Variants in COL18A1 observed in about 807,000 individuals in gnomAD.
COL18A1 encodes the protein collagen type XVIII alpha 1 chain.
A neutral mutation model predicts 168.0 loss-of-function variants in COL18A1; 133 were observed. That is an observed-to-expected ratio of 0.79 (90% CI 0.69 to 0.91). The LOEUF (loss-of-function observed/expected upper bound fraction) is 0.91, where lower values mean the gene tolerates loss of function less well. COL18A1 is among the 40% of genes least tolerant of loss of function. The probability of loss-of-function intolerance (pLI) is 0.00; values close to 1 mark genes in which losing one functional copy is unlikely to be tolerated. For missense variants in COL18A1, 2,126 were observed against 1,925.4 expected (o/e 1.10, Z -1.95); for synonymous variants, 949 against 809.0 (o/e 1.17, Z -2.94).
intron 7 of COL18A1, 92 bp from the exon 8 acceptor site, chr21:45,477,658 C>A: frequency 3.7e-6 from 5 of 1,362,598 alleles, no homozygotes; most frequent in Non-Finnish European, 5.0e-6. Context: ...GGAAGCAGCC[C>A]AGCCTGGGAC....
intron 2 of COL18A1, among the ~76,000 whole-genome samples, chr21:45,466,114 C>T (rs117840553): frequency 4.4e-4 from 67 of 152,210 alleles, no homozygotes; most frequent in Non-Finnish European, 8.2e-4. Context: ...TGGGAGAGGG[C>T]GCTTTGGCTC....
At chr21:45,467,027 C>T (rs897746028) in intron 2 of COL18A1, among the ~76,000 whole-genome samples, 1 of 152,228 alleles carries the variant, frequency 6.6e-6, no homozygotes, top group Non-Finnish European at 1.5e-5. Context: ...ACGGCGGCCT[C>T]TGTCTGAGGG....
At position 45,496,578 on chromosome 21, in the gene COL18A1, C is replaced by T. The variant is rs560537986; in HGVS notation, c.2577+10C>T. On this transcript the variant is annotated intron_variant, in intron 30 of 41. Coordinates refer to ENST00000651438, the MANE Select transcript of COL18A1 (RefSeq NM_001379500.1). ...TGTTTACGACAGCAATGTAAGTCCC[C>T]AGGGCACCCACTGTCCTACAGCCAC... 3.0e-6 allele frequency: 4 copies of T among 1,354,788 alleles called. No homozygotes were observed. Among genetic ancestry groups the T allele is most frequent in the African/African-American group, 1.5e-5 (1 of 66,520 alleles). 83.9% of individuals were successfully genotyped at this position (1,354,788 alleles called of 1,614,324 possible).
chr21:45,412,989 G>A (rs1291517403), intron 2 of COL18A1, among the ~76,000 whole-genome samples: 2 of 152,200 alleles, frequency 1.3e-5, no homozygotes, highest in African/African-American at 4.8e-5. Context: ...CCGTGTCTTG[G>A]TCTCTAATCT....
intron 2 of COL18A1, among the ~76,000 whole-genome samples, chr21:45,452,493 ATG>A (rs1175249492): frequency 1.9e-4 from 29 of 149,208 alleles, no homozygotes; most frequent in South Asian, 8.6e-4. Flanking sequence ...TTCTGTATGC[ATG>A]TGTGTATTCA....
chr21:45,406,111 C>T (rs1262512610), intron 2 of COL18A1, among the ~76,000 whole-genome samples: 2 of 152,234 alleles, frequency 1.3e-5, no homozygotes, highest in Non-Finnish European at 2.9e-5. Flanking sequence ...TGCGCGGGGC[C>T]CGTGGGGACC....
rs377715562 is a variant in COL18A1, at chr21:45,509,341, G to A, written c.3250-15G>A. The A allele has an allele frequency of 2.0e-3, 3,072 of 1,543,552 alleles. 20 individuals are homozygous for A. The highest frequency in any genetic ancestry group is 0.014 in the Middle Eastern group (68 of 4,692). On this transcript the variant is annotated splice_polypyrimidine_tract_variant and intron_variant, in intron 38 of 41. Transcript: ENST00000651438. ...GGGTCCCCCCGCCGACAGGCCCCAC[G>A]TCTCCCACCTGCAGGACAATGAAGT...
chr21:45,487,151 G>A (rs2036142745), intron 16 of COL18A1, among the ~76,000 whole-genome samples, 159 bp downstream of exon 16: 2 of 152,196 alleles, frequency 1.3e-5, no homozygotes, highest in Admixed American at 1.3e-4. Flanking sequence ...GGTGGGGCTC[G>A]AGTCTCTCGC....
At chr21:45,477,665 G>A (rs2035726045) in intron 7 of COL18A1, 85 bp from the exon 8 acceptor site, 3 of 1,371,008 alleles carry the variant, frequency 2.2e-6, no homozygotes, top group Non-Finnish European at 1.0e-6. Context: ...GCCCAGCCTG[G>A]GACTCTGGAG....
chr21:45,511,377 G>A lies in COL18A1; in HGVS notation c.3809+151G>A, dbSNP rs73907573. 622 of 674,540 alleles carry A rather than the reference G, an allele frequency of 9.2e-4. 4 individuals are homozygous for A. In the African/African-American group the frequency reaches 0.01, roughly 11 times the overall value. The allele number at this position is 674,540 out of a possible 1,614,324, so 41.8% of individuals were successfully genotyped here. A position where few individuals can be genotyped will look rare whatever the true frequency, so the allele number is the denominator to read the frequency against. On this transcript the variant is annotated intron_variant, in intron 41 of 41. Transcript: ENST00000651438. ...ATTACAAAATCCAAAAGAGCATTGAGAAAAATGAGAACTGCTCTGAGAAGT... is the reference window on the plus strand; with the variant it reads ...ATTACAAAATCCAAAAGAGCATTGAAAAAAATGAGAACTGCTCTGAGAAGT...
At chr21:45,438,806 GTC>G (rs1442434161) in intron 2 of COL18A1, among the ~76,000 whole-genome samples, 3 of 152,238 alleles carry the variant, frequency 2.0e-5, no homozygotes, top group Non-Finnish European at 4.4e-5. Context: ...ACGTTAGCAG[GTC>G]TGTCTGTGCA....
intron 2 of COL18A1, among the ~76,000 whole-genome samples, chr21:45,462,862 C>G (rs1167432615): frequency 6.6e-6 from 1 of 151,098 alleles, no homozygotes; most frequent in South Asian, 2.1e-4. Context: ...TAATGTGGCT[C>G]TTGAATTTTG....
chr21:45,416,824 A>T (rs1569275849), intron 2 of COL18A1, among the ~76,000 whole-genome samples: 1 of 151,356 alleles, frequency 6.6e-6, no homozygotes, highest in Non-Finnish European at 1.5e-5. Context: ...CCTGCCCCTG[A>T]CAACTCTTCC....
At chr21:45,422,789 T>G in intron 2 of COL18A1, 1 of 212,780 alleles carries the variant, frequency 4.7e-6, no homozygotes, top group Non-Finnish European at 9.5e-6. Flanking sequence ...AAGGTCCAAG[T>G]GGCTTTTTTT....
intron 31 of COL18A1, 120 bp from the exon 32 acceptor site, chr21:45,497,479 G>A: frequency 7.5e-7 from 1 of 1,337,488 alleles, no homozygotes; most frequent in Non-Finnish European, 1.0e-6. Flanking sequence ...CTGTCCCCAT[G>A]TCCATCTGAT....
In COL18A1 at chr21:45,405,487, G is replaced by T; in HGVS notation, c.106+14G>T. 1 of 1,343,832 alleles carries T rather than the reference G, an allele frequency of 7.4e-7. No homozygotes were observed. The highest frequency in any genetic ancestry group is 9.6e-7 in the Non-Finnish European group (1 of 1,038,300). The allele number at this position is 1,343,832 out of a possible 1,614,324, so 83.2% of individuals were successfully genotyped here. On this transcript the variant is annotated intron_variant, in intron 2 of 41. Coordinates refer to ENST00000651438, the MANE Select transcript of COL18A1 (RefSeq NM_001379500.1). Reference sequence around the variant, plus strand: ...CCGCGGAGCCAGGTAAGACCCGGGCGGGACGGGAAGGTTCGCGCCGGTGCC... The same window carrying T: ...CCGCGGAGCCAGGTAAGACCCGGGCTGGACGGGAAGGTTCGCGCCGGTGCC...
At position 45,491,192 on chromosome 21, in the gene COL18A1, A is replaced by G. The variant is rs767762999; in HGVS notation, c.2068-33A>G. On this transcript the variant is annotated intron_variant, in intron 21 of 41. Coordinates refer to ENST00000651438, the MANE Select transcript of COL18A1 (RefSeq NM_001379500.1). ...TGGGGTCCTGGCCAGAGCGGTTGAG[A>G]TGAAATGCCGGACGCGTGGCCTCCT... 7.6e-6 allele frequency: 12 copies of G among 1,572,066 alleles called. No homozygotes were observed. The Admixed American group carries it at 2.0e-4, about 26-fold the overall frequency.
At chr21:45,464,462 T>TC (rs2035137102) in intron 2 of COL18A1, among the ~76,000 whole-genome samples, 1 of 152,014 alleles carries the variant, frequency 6.6e-6, no homozygotes, top group African/African-American at 2.4e-5. Flanking sequence ...ACCGTGTCCA[T>TC]CCCCCCATGG....
rs780273582 is a variant in COL18A1 at position 45,468,596 on chromosome 21, G to A, written c.461G>A (p.Arg154Gln). 1.2e-5 allele frequency: 20 copies of A among 1,613,632 alleles called. No individual in the cohort carries two copies. Among genetic ancestry groups the A allele is most frequent in the Admixed American group, 6.7e-5 (4 of 60,014 alleles). Reference protein sequence around the residue: ...AGQTHTAASFRLPAFVGQWTH... With the variant: ...AGQTHTAASFQLPAFVGQWTH... ...CAGACCCACACAGCCGCCAGCTTCC[G>A]GCTCCCCGCCTTCGTCGGCCAGTGG... The change falls in exon 3 of 42, where the codon CGG (arginine) becomes CAG (glutamine). Residue 154 changes from arginine to glutamine, a missense_variant. Coordinates refer to ENST00000651438, the MANE Select transcript of COL18A1 (RefSeq NM_001379500.1).
Sources: allele counts gnomAD v4.1 joint callset (sites outside exome capture counted in the v4.1 genomes callset), GRCh38; gene constraint gnomAD v4.1.1; transcripts MANE v1.5; gene names NCBI Gene and HGNC (gene_info 2026-07-23, HGNC 2026-07-21).